The following KIF13B variants were observed in gnomAD, a reference collection of about 807,000 sequenced individuals.
The protein encoded by KIF13B is kinesin-like protein KIF13B.
Under a neutral mutation model 222.0 loss-of-function variants are expected in KIF13B, and 127 were observed. The ratio of observed to expected loss-of-function variants is 0.57; its 90% CI spans 0.50 to 0.66. The LOEUF (loss-of-function observed/expected upper bound fraction) is 0.66, where lower values mean the gene tolerates loss of function less well. Ranked by LOEUF, KIF13B falls within the 30% of genes least tolerant of loss-of-function variation. KIF13B has a pLI of 0.00. For synonymous variants in KIF13B, 976 were observed against 919.0 expected, an observed-to-expected ratio of 1.06 and a Z score of -1.12; for missense variants, 2,173 against 2,379.0, an observed-to-expected ratio of 0.91 and a Z score of 1.80.
chr8:29,172,743 C>A (rs932063252), intron 10 of KIF13B, among the ~76,000 whole-genome samples: 1 of 152,204 alleles, frequency 6.6e-6, no homozygotes, highest in Admixed American at 6.5e-5. Flanking sequence ...GGGAACACCA[C>A]CCTTTCCCTT....
At chr8:29,198,479 G>A (rs553938240) in intron 2 of KIF13B, among the ~76,000 whole-genome samples, 52 of 152,102 alleles carry the variant, frequency 3.4e-4, no homozygotes, top group Middle Eastern at 3.4e-3. Context: ...ACACCACCAC[G>A]CCCGGCTAAT....
chr8:29,099,529 C>T (rs1419794178), intron 35 of KIF13B, among the ~76,000 whole-genome samples: 2 of 152,106 alleles, frequency 1.3e-5, no homozygotes, highest in African/African-American at 4.8e-5. Flanking sequence ...TACATGCCAC[C>T]ACATGAGGCT....
intron 34 of KIF13B, among the ~76,000 whole-genome samples, 165 bp from the exon 35 acceptor site, chr8:29,108,357 A>C (rs1324239247): frequency 6.6e-6 from 1 of 152,260 alleles, no homozygotes; most frequent in Non-Finnish European, 1.5e-5. Context: ...GGGACATTAC[A>C]AACATTGAAT....
At chr8:29,100,842 T>C (rs1263498850) in intron 35 of KIF13B, among the ~76,000 whole-genome samples, 1 of 152,180 alleles carries the variant, frequency 6.6e-6, no homozygotes, top group Non-Finnish European at 1.5e-5. Context: ...GCCTCTTAGG[T>C]TTCAGAAATG....
intron 37 of KIF13B, among the ~76,000 whole-genome samples, chr8:29,089,052 A>G (rs942214860): frequency 2.0e-5 from 3 of 152,196 alleles, no homozygotes; most frequent in African/African-American, 7.2e-5. Flanking sequence ...ATATGTCTTC[A>G]TCCCTCTAAT....
chr8:29,235,598 T>G (rs1815473169), intron 2 of KIF13B, among the ~76,000 whole-genome samples: 1 of 152,052 alleles, frequency 6.6e-6, no homozygotes, highest in African/African-American at 2.4e-5. Context: ...TGGCCCCCAC[T>G]TTCTAGCAGC....
chr8:29,254,310 T>C (rs1816390597), intron 1 of KIF13B, among the ~76,000 whole-genome samples: 1 of 152,094 alleles, frequency 6.6e-6, no homozygotes, highest in South Asian at 2.1e-4. Flanking sequence ...CACAAGCAAC[T>C]AAAAATAAAC....
At chr8:29,144,584 C>T (rs775956111) in intron 18 of KIF13B, among the ~76,000 whole-genome samples, 3 of 152,096 alleles carry the variant, frequency 2.0e-5, no homozygotes, top group Non-Finnish European at 4.4e-5. Flanking sequence ...TAAAGGCCCT[C>T]CTACCTTATA....
intron 14 of KIF13B, among the ~76,000 whole-genome samples, chr8:29,152,328 C>T (rs1811334358): frequency 6.6e-6 from 1 of 152,016 alleles, no homozygotes. Context: ...GTGTCAGGGT[C>T]GAAGAAAACT....
At chr8:29,237,524 A>C (rs1375842812) in intron 2 of KIF13B, among the ~76,000 whole-genome samples, 1 of 148,096 alleles carries the variant, frequency 6.8e-6, no homozygotes, top group Admixed American at 6.7e-5. Flanking sequence ...ATTCAAGCAC[A>C]GAGCTAAAGA....
intron 1 of KIF13B, among the ~76,000 whole-genome samples, chr8:29,259,176 T>C (rs1441348764): frequency 1.3e-5 from 2 of 152,186 alleles, no homozygotes; most frequent in East Asian, 1.9e-4. Flanking sequence ...CGCTGTATAA[T>C]AGTCCCTCCA....
At chr8:29,138,722 A>G (rs1253702407) in intron 21 of KIF13B, 1 of 152,184 alleles carries the variant, frequency 6.6e-6, no homozygotes, top group African/African-American at 2.4e-5. Context: ...CAGAATCCAG[A>G]CTATGGGAAA....
intron 10 of KIF13B, among the ~76,000 whole-genome samples, chr8:29,168,722 T>C (rs977748157): frequency 1.3e-5 from 2 of 152,152 alleles, no homozygotes; most frequent in Non-Finnish European, 2.9e-5. Context: ...CTTGAGATGA[T>C]GATGACGGCA....
chr8:29,260,524 G>A (rs180724916), intron 1 of KIF13B, among the ~76,000 whole-genome samples: 88 of 152,060 alleles, frequency 5.8e-4, no homozygotes, highest in African/African-American at 2.1e-3. Context: ...ACTGTTCAAA[G>A]TAATATTCTT....
At chr8:29,096,154 G>T (rs1224571119) in intron 36 of KIF13B, among the ~76,000 whole-genome samples, 1 of 151,654 alleles carries the variant, frequency 6.6e-6, no homozygotes. Flanking sequence ...GCTAATTTTT[G>T]TGTTTTTAGT....
chr8:29,094,464 C>A (rs900761728), intron 36 of KIF13B, among the ~76,000 whole-genome samples: 1 of 152,070 alleles, frequency 6.6e-6, no homozygotes, highest in African/African-American at 2.4e-5. Context: ...GTATGGTAAG[C>A]AAAAGAGACA....
intron 14 of KIF13B, among the ~76,000 whole-genome samples, chr8:29,155,157 T>C (rs1811462537): frequency 6.6e-6 from 1 of 151,906 alleles, no homozygotes; most frequent in South Asian, 2.1e-4. Context: ...GAATGGAGAA[T>C]CAAAAAAAGA....
intron 37 of KIF13B, among the ~76,000 whole-genome samples, chr8:29,081,897 G>T (rs1026863110): frequency 1.2e-4 from 19 of 152,284 alleles, no homozygotes; most frequent in Admixed American, 1.2e-3. Context: ...GGTCTTCCTG[G>T]ATATTTCTAA....
In KIF13B at chr8:29,151,816, C is replaced by T. The variant is rs1450992224; in HGVS notation, c.1536-1433G>A. 3.1e-5 allele frequency among the ~76,000 whole-genome samples: 4 copies of T among 130,098 alleles called. 1 individual carries two copies. Among genetic ancestry groups the T allele is most frequent in the African/African-American group, 1.0e-4 (4 of 39,616 alleles). 85.3% of individuals were successfully genotyped at this position (130,098 alleles called of 152,430 possible). On this transcript the variant is annotated intron_variant, in intron 14 of 39. Coordinates refer to ENST00000524189, the MANE Select transcript of KIF13B (RefSeq NM_015254.4). ...GCCTGATAACACAACATCCACTCTGCAGCCCATGGATCAAGAATTTTCACT... is the reference window on the plus strand; with the variant it reads ...GCCTGATAACACAACATCCACTCTGTAGCCCATGGATCAAGAATTTTCACT...
Sources: gnomAD v4.1 joint callset for allele counts (sites outside exome capture counted in the v4.1 genomes callset) on GRCh38, gnomAD v4.1.1 for gene constraint, MANE v1.5 for transcripts, NCBI Gene and HGNC (gene_info 2026-07-23, HGNC 2026-07-21) for gene names.